The following TMEM132C variants were observed in gnomAD, a reference collection of about 807,000 sequenced individuals.
The protein encoded by TMEM132C is transmembrane protein 132C.
In TMEM132C, 29 loss-of-function variants were observed where a neutral mutation model predicts 61.4. The observed-to-expected ratio is 0.47, with a 90% CI of 0.35 to 0.64. TMEM132C has a LOEUF of 0.64. TMEM132C is among the 30% of genes least tolerant of loss of function. The pLI, the probability that TMEM132C is intolerant of heterozygous loss-of-function variation, is 0.00. For synonymous variants in TMEM132C, 656 were observed against 633.1 expected, an observed-to-expected ratio of 1.04 and a Z score of -0.54; for missense variants, 1,408 against 1,476.9, an observed-to-expected ratio of 0.95 and a Z score of 0.76.
chr12:128,681,904 A>G (rs4597129), intron 5 of TMEM132C, among the ~76,000 whole-genome samples: 80,627 of 147,844 alleles, frequency 0.55, 21,964 homozygotes, highest in African/African-American at 0.59. Flanking sequence ...TCCTGACCTT[A>G]AGTGATCCAC....
chr12:128,328,868 A>G (rs1872599739), intron 1 of TMEM132C, among the ~76,000 whole-genome samples: 1 of 151,512 alleles, frequency 6.6e-6, no homozygotes, highest in Non-Finnish European at 1.5e-5. Context: ...GATTTGAGCC[A>G]GTTATAAAGT....
intron 1 of TMEM132C, among the ~76,000 whole-genome samples, chr12:128,269,749 T>G (rs553062253): frequency 6.6e-6 from 1 of 151,982 alleles, no homozygotes; most frequent in Non-Finnish European, 1.5e-5. Context: ...CCTCCACACG[T>G]AAAGCGTTTG....
At chr12:128,575,597 C>T (rs183413089) in intron 3 of TMEM132C, among the ~76,000 whole-genome samples, 2 of 152,280 alleles carry the variant, frequency 1.3e-5, no homozygotes, top group South Asian at 2.1e-4. Context: ...GAGAAATATA[C>T]AGACCATGAG....
At chr12:128,304,999 G>T (rs1333041183) in intron 1 of TMEM132C, among the ~76,000 whole-genome samples, 1 of 152,120 alleles carries the variant, frequency 6.6e-6, no homozygotes, top group Non-Finnish European at 1.5e-5. Context: ...GCGAGGAAAG[G>T]GTTGATTGCC....
chr12:128,464,578 C>G (rs1870656153), intron 2 of TMEM132C, among the ~76,000 whole-genome samples: 1 of 152,072 alleles, frequency 6.6e-6, no homozygotes, highest in South Asian at 2.1e-4. Flanking sequence ...AATACTGAGA[C>G]CCCCATCTCT....
chr12:128,575,577 A>G (rs1211965355), intron 3 of TMEM132C, among the ~76,000 whole-genome samples: 5 of 152,254 alleles, frequency 3.3e-5, no homozygotes, highest in African/African-American at 9.6e-5. Context: ...AATTTTATCA[A>G]TGAAAGGCAG....
At chr12:128,441,071 A>G (rs1012817199) in intron 2 of TMEM132C, among the ~76,000 whole-genome samples, 2 of 152,172 alleles carry the variant, frequency 1.3e-5, no homozygotes, top group African/African-American at 4.8e-5. Context: ...CAAACAGTAA[A>G]AACAAAAAGC....
chr12:128,325,552 A>C (rs1265945436), intron 1 of TMEM132C, among the ~76,000 whole-genome samples: 1 of 152,140 alleles, frequency 6.6e-6, no homozygotes, highest in Non-Finnish European at 1.5e-5. Flanking sequence ...GTATATACAG[A>C]GTGTATATTC....
chr12:128,495,705 T>A (rs1484581552), intron 2 of TMEM132C, among the ~76,000 whole-genome samples: 2 of 152,192 alleles, frequency 1.3e-5, no homozygotes, highest in African/African-American at 4.8e-5. Flanking sequence ...CTCCCTCCCT[T>A]TATTTTGAGC....
chr12:128,283,633 C>T (rs1870969048), intron 1 of TMEM132C, among the ~76,000 whole-genome samples: 1 of 152,180 alleles, frequency 6.6e-6, no homozygotes, highest in Admixed American at 6.5e-5. Context: ...ATGCCTCCAG[C>T]CATCTATCTA....
intron 2 of TMEM132C, among the ~76,000 whole-genome samples, chr12:128,526,471 A>G (rs1873090390): frequency 6.6e-6 from 1 of 152,172 alleles, no homozygotes. Context: ...TCACCTCCCA[A>G]AAGGCCCCAC....
intron 4 of TMEM132C, among the ~76,000 whole-genome samples, chr12:128,653,271 G>C (rs568779852): frequency 3.8e-4 from 57 of 151,954 alleles, no homozygotes; most frequent in African/African-American, 1.1e-3. Context: ...CTGGGAGGAG[G>C]GGGGGATGGG....
chr12:128,507,354 G>A (rs530277599), intron 2 of TMEM132C, among the ~76,000 whole-genome samples: 1 of 150,222 alleles, frequency 6.7e-6, no homozygotes, highest in Non-Finnish European at 1.5e-5. Flanking sequence ...CCTTGTAATC[G>A]TGTGCGAAGG....
At chr12:128,363,985 G>T (rs1487996866) in intron 1 of TMEM132C, among the ~76,000 whole-genome samples, 1 of 152,060 alleles carries the variant, frequency 6.6e-6, no homozygotes, top group Non-Finnish European at 1.5e-5. Context: ...AGCCCTTCCT[G>T]GAAGGCTCTG....
chr12:128,508,619 T>G (rs1303089846), intron 2 of TMEM132C, among the ~76,000 whole-genome samples: 1 of 152,222 alleles, frequency 6.6e-6, no homozygotes, highest in Non-Finnish European at 1.5e-5. Flanking sequence ...AGCAAGGCCG[T>G]GGCTCCGGAT....
chr12:128,470,737 T>C (rs1870922801), intron 2 of TMEM132C, among the ~76,000 whole-genome samples: 1 of 152,212 alleles, frequency 6.6e-6, no homozygotes, highest in East Asian at 1.9e-4. Context: ...CAGGTATCTG[T>C]ACACTTTTTC....
At chr12:128,571,208 G>A (rs756677583) in intron 3 of TMEM132C, among the ~76,000 whole-genome samples, 88 of 152,226 alleles carry the variant, frequency 5.8e-4, no homozygotes, top group Admixed American at 1.8e-3. Context: ...ATGACATTGC[G>A]GAGTCACCGA....
intron 1 of TMEM132C, among the ~76,000 whole-genome samples, chr12:128,336,523 C>A (rs1593015537): frequency 6.6e-6 from 1 of 152,180 alleles, no homozygotes; most frequent in East Asian, 1.9e-4. Context: ...GTTGAGAAGT[C>A]ATTCCTTTTA....
intron 1 of TMEM132C, among the ~76,000 whole-genome samples, chr12:128,365,364 G>A (rs891128230): frequency 1.6e-4 from 25 of 152,132 alleles, no homozygotes; most frequent in African/African-American, 2.9e-4. Flanking sequence ...GCTCTTACCC[G>A]TTGCTGCTGT....
Sources: gnomAD v4.1 joint callset for allele counts (sites outside exome capture counted in the v4.1 genomes callset) on GRCh38, gnomAD v4.1.1 for gene constraint, MANE v1.5 for transcripts, NCBI Gene and HGNC (gene_info 2026-07-23, HGNC 2026-07-21) for gene names.